The following SMYD3 variants were observed in gnomAD, a reference collection of about 807,000 sequenced individuals.
The protein encoded by SMYD3 is histone-lysine N-methyltransferase SMYD3.
Under a neutral mutation model 57.7 loss-of-function variants are expected in SMYD3, and 36 were observed. The ratio of observed to expected loss-of-function variants is 0.62; its 90% CI spans 0.48 to 0.82. SMYD3 has a LOEUF of 0.82. Among genes scored for constraint, SMYD3 ranks in the 40% least tolerant of loss-of-function variants. The pLI, the probability that SMYD3 is intolerant of heterozygous loss-of-function variation, is 0.00. For synonymous variants in SMYD3, 211 were observed against 195.0 expected, an observed-to-expected ratio of 1.08 and a Z score of -0.68; for missense variants, 515 against 538.8, an observed-to-expected ratio of 0.96 and a Z score of 0.44.
intron 5 of SMYD3, among the ~76,000 whole-genome samples, chr1:246,006,881 A>T (rs2059182668): frequency 6.6e-6 from 1 of 152,216 alleles, no homozygotes; most frequent in Non-Finnish European, 1.5e-5. Flanking sequence ...CCTCTAAAAC[A>T]TGAAAACCAA....
chr1:246,390,385 T>C (rs1002235559), intron 1 of SMYD3, among the ~76,000 whole-genome samples: 19 of 152,006 alleles, frequency 1.2e-4, no homozygotes, highest in African/African-American at 4.6e-4. Context: ...GGATAACATA[T>C]ATAGATGGAC....
chr1:246,313,634 A>G (rs1034102492), intron 5 of SMYD3, among the ~76,000 whole-genome samples: 1 of 152,216 alleles, frequency 6.6e-6, no homozygotes. Flanking sequence ...GTCTGGTCAC[A>G]TGTAGCTCTA....
At chr1:246,300,500 C>T (rs2064875732) in intron 5 of SMYD3, among the ~76,000 whole-genome samples, 1 of 152,074 alleles carries the variant, frequency 6.6e-6, no homozygotes, top group Non-Finnish European at 1.5e-5. Flanking sequence ...TAAAGTATTA[C>T]CTGAATGAGA....
intron 1 of SMYD3, among the ~76,000 whole-genome samples, chr1:246,483,278 C>A (rs1342053909): frequency 1.3e-5 from 2 of 152,140 alleles, no homozygotes; most frequent in African/African-American, 2.4e-5. Context: ...AAAACATTCA[C>A]ATTAATTCAA....
At chr1:245,898,177 T>C (rs1558471763) in intron 8 of SMYD3, among the ~76,000 whole-genome samples, 1 of 152,238 alleles carries the variant, frequency 6.6e-6, no homozygotes, top group Non-Finnish European at 1.5e-5. Flanking sequence ...GTAGTACTTC[T>C]AGCTGTTACA....
intron 8 of SMYD3, among the ~76,000 whole-genome samples, chr1:245,912,793 G>A (rs1404939453): frequency 6.6e-6 from 1 of 152,130 alleles, no homozygotes; most frequent in Non-Finnish European, 1.5e-5. Context: ...TCAGAAAAGT[G>A]GATATCCACG....
chr1:246,161,983 G>A (rs1240163122), intron 5 of SMYD3, among the ~76,000 whole-genome samples: 4 of 152,182 alleles, frequency 2.6e-5, no homozygotes, highest in Admixed American at 2.0e-4. Flanking sequence ...TGCAAGCTTG[G>A]AGAGTTTCAG....
intron 1 of SMYD3, among the ~76,000 whole-genome samples, chr1:246,444,848 A>G (rs1384066480): frequency 6.6e-6 from 1 of 152,242 alleles, no homozygotes; most frequent in African/African-American, 2.4e-5. Context: ...TAGAAGCAGA[A>G]TAAAGATAAC....
chr1:245,806,920 A>C (rs2048202978), intron 10 of SMYD3, among the ~76,000 whole-genome samples: 1 of 118,892 alleles, frequency 8.4e-6, no homozygotes, highest in African/African-American at 2.8e-5. Context: ...CCGTCTCAAA[A>C]AAAAAAAAAA....
At chr1:245,965,886 G>A (rs2058132186) in intron 5 of SMYD3, among the ~76,000 whole-genome samples, 2 of 152,222 alleles carry the variant, frequency 1.3e-5, no homozygotes, top group Non-Finnish European at 1.5e-5. Context: ...TCGGGAGTCT[G>A]GGAGATAATG....
intron 5 of SMYD3, among the ~76,000 whole-genome samples, chr1:246,283,130 C>A (rs1236169642): frequency 1.3e-5 from 2 of 152,136 alleles, no homozygotes; most frequent in Admixed American, 6.6e-5. Context: ...AGCATGTAAC[C>A]CCCCATAGAA....
At chr1:245,933,023 T>A (rs1409194890) in intron 5 of SMYD3, among the ~76,000 whole-genome samples, 1 of 152,180 alleles carries the variant, frequency 6.6e-6, no homozygotes, top group Non-Finnish European at 1.5e-5. Context: ...ACACAACTGA[T>A]AGCAACAGTG....
chr1:246,110,432 G>A (rs2061213649), intron 5 of SMYD3, among the ~76,000 whole-genome samples: 1 of 152,198 alleles, frequency 6.6e-6, no homozygotes, highest in Admixed American at 6.5e-5. Flanking sequence ...CTACGGGTAG[G>A]TGAAATACAA....
intron 1 of SMYD3, among the ~76,000 whole-genome samples, chr1:246,459,322 T>G (rs1292197367): frequency 6.7e-6 from 1 of 148,802 alleles, no homozygotes; most frequent in Non-Finnish European, 1.5e-5. Context: ...GTTCTCATGA[T>G]AGAGTTCTCG....
chr1:245,846,053 G>T (rs1471086966), intron 10 of SMYD3, among the ~76,000 whole-genome samples: 1 of 152,166 alleles, frequency 6.6e-6, no homozygotes, highest in Non-Finnish European at 1.5e-5. Flanking sequence ...GGAGGGAATA[G>T]AACTTTTTCT....
intron 1 of SMYD3, among the ~76,000 whole-genome samples, chr1:246,376,176 T>C (rs2066273357): frequency 6.6e-6 from 1 of 152,178 alleles, no homozygotes. Context: ...ATGGTATAAA[T>C]ATTACAGTAT....
At chr1:246,072,200 A>G (rs2788005) in intron 5 of SMYD3, among the ~76,000 whole-genome samples, 12,555 of 21,586 alleles carry the variant, frequency 0.58, 3,684 homozygotes, top group Admixed American at 0.64. Context: ...GGAGGGATTC[A>G]TGTGCTTTCC....
At chr1:245,903,734 G>A (rs2054352620) in intron 8 of SMYD3, among the ~76,000 whole-genome samples, 1 of 152,174 alleles carries the variant, frequency 6.6e-6, no homozygotes, top group African/African-American at 2.4e-5. Context: ...ATTGTAACTG[G>A]GGCTTGCATC....
chr1:246,233,129 T>A (rs12755245), intron 5 of SMYD3, among the ~76,000 whole-genome samples: 4,107 of 89,180 alleles, frequency 0.046, 584 homozygotes, highest in African/African-American at 0.09. Context: ...ATGAACATAT[T>A]CCACACAGAG....
Sources: gnomAD v4.1 joint callset for allele counts (sites outside exome capture counted in the v4.1 genomes callset) on GRCh38, gnomAD v4.1.1 for gene constraint, MANE v1.5 for transcripts, NCBI Gene and HGNC (gene_info 2026-07-23, HGNC 2026-07-21) for gene names.